COL5A2: variants seen among roughly 807,000 people sequenced by gnomAD.
The protein encoded by COL5A2 is collagen type V alpha 2 chain, also known as collagen alpha-2(V) chain.
A neutral mutation model predicts 208.2 loss-of-function variants in COL5A2; 23 were observed. That is an observed-to-expected ratio of 0.11 (90% CI 0.08 to 0.16). The LOEUF is 0.16. Ranked by LOEUF, COL5A2 falls within the 10% of genes least tolerant of loss-of-function variation. The pLI is 1.00. For missense variants in COL5A2, 1,590 were observed against 1,956.4 expected, an observed-to-expected ratio of 0.81 and a Z score of 3.53; for synonymous variants, 625 against 628.5, an observed-to-expected ratio of 0.99 and a Z score of 0.08.
At chr2:189,415,819 C>T in the COL5A2 span, among the ~76,000 whole-genome samples, 1 of 152,094 alleles carries the variant, frequency 6.6e-6, no homozygotes, top group Non-Finnish European at 1.5e-5. Flanking sequence ...ACCACCACAC[C>T]CAGCTAATTT....
At chr2:189,414,085 C>T in the COL5A2 span, among the ~76,000 whole-genome samples, 4 of 152,090 alleles carry the variant, frequency 2.6e-5, no homozygotes, top group African/African-American at 9.7e-5. Flanking sequence ...AGCCACTGTG[C>T]CCGGCCTTGT....
intron 3 of COL5A2, 138 bp from the exon 4 acceptor site, chr2:189,100,277 G>A: frequency 2.9e-6 from 2 of 686,572 alleles, no homozygotes; most frequent in Middle Eastern, 3.2e-4. Flanking sequence ...CAAAAAGAAA[G>A]TTAACAATTT....
chr2:189,104,082 TA>T lies in COL5A2; in HGVS notation c.336+181del, dbSNP rs147860045. Among the ~76,000 whole-genome samples the T allele has an allele frequency of 0.13, 19,967 of 152,050 alleles. 1,339 individuals are homozygous for T. Among genetic ancestry groups the T allele is most frequent in the Middle Eastern group, 0.19 (56 of 294 alleles). ...AGAAATTAACCATAAAGTGAATGGT[TA>T]AGAGGCATCTGTCCTTTGGAAACAC... On this transcript the variant is annotated intron_variant, in intron 3 of 53. Coordinates refer to ENST00000374866, the MANE Select transcript of COL5A2 (RefSeq NM_000393.5).
intron 1 of COL5A2, among the ~76,000 whole-genome samples, chr2:189,116,961 T>C (rs965092877): frequency 6.6e-6 from 1 of 152,224 alleles, no homozygotes; most frequent in African/African-American, 2.4e-5. Context: ...AAAAATTTGA[T>C]AAACTGTCTG....
At chr2:189,269,119 G>A in the COL5A2 span, among the ~76,000 whole-genome samples, 7 of 152,108 alleles carry the variant, frequency 4.6e-5, no homozygotes, top group Admixed American at 2.0e-4. Flanking sequence ...AGCCTTTCTC[G>A]TAATTCTTTC....
At chr2:189,378,605 TCC>T in the COL5A2 span, among the ~76,000 whole-genome samples, 1 of 151,826 alleles carries the variant, frequency 6.6e-6, no homozygotes, top group African/African-American at 2.4e-5. Context: ...GTGCCTGTGG[TCC>T]CAGCTACTCG....
At chr2:189,168,060 C>A (rs1013697766) in intron 1 of COL5A2, among the ~76,000 whole-genome samples, 2 of 151,794 alleles carry the variant, frequency 1.3e-5, no homozygotes, top group African/African-American at 4.8e-5. Flanking sequence ...GCCTCAGCCT[C>A]CCGAGTAGCT....
intron 36 of COL5A2, 105 bp from the exon 37 acceptor site, chr2:189,054,053 T>C: frequency 7.1e-7 from 1 of 1,411,490 alleles, no homozygotes; most frequent in Non-Finnish European, 1.0e-6. Flanking sequence ...AACTCTGAAA[T>C]GATCTTGCTC....
rs1307423893 is a variant in COL5A2 at position 189,058,480 on chromosome 2, T to C, written c.2178A>G (p.Gly726=). 3.7e-6 allele frequency: 6 copies of C among 1,613,842 alleles called. No individual in the cohort carries two copies. The East Asian group carries it at 8.9e-5, about 24-fold the overall frequency. ...CAGCCATTCCCTTCTCACCAGGGAG[T>C]CCAGTTATCCCAGGTTCTCCTCTTT... The part of the protein sequence containing the change: ...PGERGEPGIT[G]LPGEKGMAGG... Residue 726 remains glycine, a synonymous_variant, in exon 33 of 54, where the codon GGA becomes GGG. Coordinates refer to ENST00000374866, the MANE Select transcript of COL5A2 (RefSeq NM_000393.5).
the COL5A2 span, among the ~76,000 whole-genome samples, chr2:189,404,408 G>T: frequency 3.3e-5 from 5 of 152,028 alleles, no homozygotes; most frequent in Non-Finnish European, 5.9e-5. Flanking sequence ...CCTGTGTTTT[G>T]AGCCTTTGGA....
At chr2:189,115,811 C>A (rs1367493780) in intron 1 of COL5A2, among the ~76,000 whole-genome samples, 2 of 152,202 alleles carry the variant, frequency 1.3e-5, no homozygotes, top group East Asian at 3.8e-4. Context: ...AAGTAAGGAA[C>A]TAGTTCATTG....
chr2:189,272,906 C>T, the COL5A2 span, among the ~76,000 whole-genome samples: 7,863 of 152,144 alleles, frequency 0.052, 261 homozygotes, highest in Admixed American at 0.099. Context: ...GCATGACCAC[C>T]AATTTTGTGA....
intron 35 of COL5A2, among the ~76,000 whole-genome samples, chr2:189,056,324 C>T (rs970714297): frequency 6.6e-6 from 1 of 152,176 alleles, no homozygotes; most frequent in African/African-American, 2.4e-5. Flanking sequence ...TGTGACTAGC[C>T]ACTCTTACAT....
intron 1 of COL5A2, among the ~76,000 whole-genome samples, chr2:189,119,206 C>T (rs914955203): frequency 6.6e-6 from 1 of 151,990 alleles, no homozygotes; most frequent in African/African-American, 2.4e-5. Flanking sequence ...TGGGTAATTT[C>T]TCTACTTGTA....
the COL5A2 span, among the ~76,000 whole-genome samples, chr2:189,270,853 A>G: frequency 6.6e-6 from 1 of 152,152 alleles, no homozygotes; most frequent in African/African-American, 2.4e-5. Flanking sequence ...GCATTCCTAT[A>G]CACCAATAAT....
At chr2:189,396,432 G>C in the COL5A2 span, among the ~76,000 whole-genome samples, 5 of 152,080 alleles carry the variant, frequency 3.3e-5, no homozygotes, top group African/African-American at 4.8e-5. Context: ...CCAGCACTTT[G>C]GGAGGCTGAG....
chr2:189,412,350 G>C, the COL5A2 span, among the ~76,000 whole-genome samples: 1 of 152,050 alleles, frequency 6.6e-6, no homozygotes. Context: ...AAATACTTTT[G>C]TACATAAAGA....
intron 50 of COL5A2, among the ~76,000 whole-genome samples, chr2:189,040,365 C>T (rs1426711454): frequency 7.2e-6 from 1 of 138,476 alleles, no homozygotes; most frequent in African/African-American, 2.7e-5. Context: ...AAATAAGACA[C>T]ACTGAAATGA....
chr2:189,270,162 T>C, the COL5A2 span, among the ~76,000 whole-genome samples: 1 of 152,172 alleles, frequency 6.6e-6, no homozygotes, highest in Non-Finnish European at 1.5e-5. Flanking sequence ...CTATCTATTT[T>C]GTTGATCTTT....
Sources: allele counts gnomAD v4.1 joint callset (sites outside exome capture counted in the v4.1 genomes callset), GRCh38; gene constraint gnomAD v4.1.1; transcripts MANE v1.5; gene names NCBI Gene and HGNC (gene_info 2026-07-23, HGNC 2026-07-21).